The following WDR25 variants were observed in gnomAD, a reference collection of about 807,000 sequenced individuals.
The protein encoded by WDR25 is WD repeat domain 25.
A neutral mutation model predicts 47.7 loss-of-function variants in WDR25; 35 were observed. The observed-to-expected ratio is 0.73, with a 90% CI of 0.56 to 0.97. The LOEUF is 0.97. WDR25 is among the 50% of genes least tolerant of loss of function. The pLI, the probability that WDR25 is intolerant of heterozygous loss-of-function variation, is 0.00. For synonymous variants in WDR25, 248 were observed against 278.9 expected, an observed-to-expected ratio of 0.89 and a Z score of 1.10; for missense variants, 634 against 704.7, an observed-to-expected ratio of 0.90 and a Z score of 1.14.
intron 2 of WDR25, among the ~76,000 whole-genome samples, chr14:100,396,866 T>C (rs1355243356): frequency 4.6e-5 from 7 of 152,252 alleles, no homozygotes; most frequent in Non-Finnish European, 1.5e-5. Flanking sequence ...ACAATACCTA[T>C]CTCACAGACC....
chr14:100,441,076 G>A (rs958254257), intron 2 of WDR25, among the ~76,000 whole-genome samples: 1 of 152,180 alleles, frequency 6.6e-6, no homozygotes, highest in Non-Finnish European at 1.5e-5. Flanking sequence ...GACATACAGA[G>A]CCCTGTCTGG....
At chr14:100,395,833 C>T (rs966296384) in intron 2 of WDR25, among the ~76,000 whole-genome samples, 6 of 152,172 alleles carry the variant, frequency 3.9e-5, no homozygotes, top group African/African-American at 1.4e-4. Flanking sequence ...CTCCCCCACC[C>T]ACCCCTCACC....
intron 2 of WDR25, chr14:100,454,614 A>G (rs1344552157): frequency 2.2e-6 from 1 of 445,570 alleles, no homozygotes; most frequent in Non-Finnish European, 4.3e-6. Flanking sequence ...AGGAAATGGT[A>G]CTGGATGAGT....
chr14:100,419,372 C>T (rs1198154628), intron 2 of WDR25, among the ~76,000 whole-genome samples: 2 of 152,012 alleles, frequency 1.3e-5, no homozygotes, highest in African/African-American at 4.8e-5. Flanking sequence ...TTCAGATGAA[C>T]AGTGTTTAGA....
chr14:100,448,398 G>T (rs994489506), intron 2 of WDR25, among the ~76,000 whole-genome samples: 1 of 152,078 alleles, frequency 6.6e-6, no homozygotes, highest in Non-Finnish European at 1.5e-5. Context: ...TTCCTTTTCA[G>T]CATCTTACCC....
chr14:100,421,491 T>G (rs1376283872), intron 2 of WDR25, among the ~76,000 whole-genome samples: 1 of 152,162 alleles, frequency 6.6e-6, no homozygotes, highest in Admixed American at 6.5e-5. Flanking sequence ...TAACCTTGGC[T>G]GAGTAGAAAT....
At chr14:100,484,838 C>A (rs1900329399) in intron 4 of WDR25, among the ~76,000 whole-genome samples, 2 of 152,210 alleles carry the variant, frequency 1.3e-5, no homozygotes, top group African/African-American at 4.8e-5. Flanking sequence ...GGGATGGTTG[C>A]AGGAGTTTCC....
intron 2 of WDR25, among the ~76,000 whole-genome samples, chr14:100,397,065 G>A (rs1194662421): frequency 1.3e-5 from 2 of 152,248 alleles, no homozygotes; most frequent in African/African-American, 4.8e-5. Context: ...CTCCCCTCAT[G>A]CCCTTGGCTC....
At chr14:100,388,332 C>T (rs1020039772) in intron 2 of WDR25, among the ~76,000 whole-genome samples, 6 of 152,146 alleles carry the variant, frequency 3.9e-5, no homozygotes, top group African/African-American at 7.2e-5. Flanking sequence ...TGCGCATGTG[C>T]GTGCATGCAT....
At position 100,425,502 on chromosome 14, in the gene WDR25, T is replaced by C. The variant is rs984828500; in HGVS notation, c.823-42519T>C. On this transcript the variant is annotated intron_variant, in intron 2 of 6. Transcript: ENST00000402312. This position sits in a 1 kb window ranked among gnomAD's most constrained non-coding sequence, Gnocchi z 4.8. ...CTTCCCCTAGACTGTGAAATATGTT[T>C]GATGGGGAAAGATACCCGGGACAGA... 6.6e-5 allele frequency among the ~76,000 whole-genome samples: 10 copies of C among 152,162 alleles called. No individual in the cohort carries two copies. The highest frequency in any genetic ancestry group is 4.6e-4 in the Admixed American group (7 of 15,280).
chr14:100,410,757 C>T (rs1253900742), intron 2 of WDR25, among the ~76,000 whole-genome samples: 4 of 150,636 alleles, frequency 2.7e-5, no homozygotes, highest in East Asian at 1.9e-4. Flanking sequence ...AGGACACTCA[C>T]TTTTGGATGC....
intron 2 of WDR25, among the ~76,000 whole-genome samples, chr14:100,402,351 G>A (rs538286357): frequency 6.6e-6 from 1 of 150,550 alleles, no homozygotes. Flanking sequence ...ACTTTTCTTT[G>A]TTATTGCTTT....
At chr14:100,422,272 T>C (rs1898048022) in intron 2 of WDR25, among the ~76,000 whole-genome samples, 1 of 152,182 alleles carries the variant, frequency 6.6e-6, no homozygotes, top group Non-Finnish European at 1.5e-5. Context: ...GCTGGAGTAT[T>C]ACATGTGGCC....
intron 4 of WDR25, among the ~76,000 whole-genome samples, chr14:100,485,928 C>T (rs1900366930): frequency 6.6e-6 from 1 of 151,638 alleles, no homozygotes; most frequent in African/African-American, 2.4e-5. Context: ...CAAGTGGGAG[C>T]ATAGATAGAT....
At chr14:100,473,500 A>C (rs765032312) in intron 3 of WDR25, among the ~76,000 whole-genome samples, 3 of 152,234 alleles carry the variant, frequency 2.0e-5, no homozygotes, top group Admixed American at 6.5e-5. Flanking sequence ...GCTGGGCAGC[A>C]GCTGGCCACC....
At chr14:100,451,232 G>A (rs1005183337) in intron 2 of WDR25, among the ~76,000 whole-genome samples, 9 of 136,324 alleles carry the variant, frequency 6.6e-5, no homozygotes, top group Middle Eastern at 3.5e-3. Flanking sequence ...GCGTTCATTC[G>A]CCAAAGCATT....
At chr14:100,452,050 A>G (rs1333850813) in intron 2 of WDR25, among the ~76,000 whole-genome samples, 1 of 152,032 alleles carries the variant, frequency 6.6e-6, no homozygotes, top group Non-Finnish European at 1.5e-5. Context: ...CCATCCCTTC[A>G]TCTCATTCAT....
chr14:100,414,766 A>G (rs994962084), intron 2 of WDR25, among the ~76,000 whole-genome samples: 10 of 152,066 alleles, frequency 6.6e-5, no homozygotes, highest in African/African-American at 2.2e-4. Flanking sequence ...AGGTGACACC[A>G]TCTTATTTAC....
At chr14:100,426,351 A>G (rs1056192826) in intron 2 of WDR25, among the ~76,000 whole-genome samples, 2 of 152,266 alleles carry the variant, frequency 1.3e-5, no homozygotes, top group African/African-American at 4.8e-5. Flanking sequence ...TACTTTTCCC[A>G]AATGGGATTG....
Sources: allele counts gnomAD v4.1 joint callset (sites outside exome capture counted in the v4.1 genomes callset), GRCh38; gene constraint gnomAD v4.1.1; non-coding constraint Gnocchi (gnomAD v3.1); transcripts MANE v1.5; gene names NCBI Gene and HGNC (gene_info 2026-07-23, HGNC 2026-07-21).